VCL: variants seen among roughly 807,000 people sequenced by gnomAD.
VCL encodes the protein epididymis luminal protein 114.
A neutral mutation model predicts 125.7 loss-of-function variants in VCL; 47 were observed. The ratio of observed to expected loss-of-function variants is 0.37; its 90% CI spans 0.30 to 0.48. The LOEUF (loss-of-function observed/expected upper bound fraction) is 0.48. VCL is among the 20% of genes least tolerant of loss of function. The pLI is 0.99. For missense variants in VCL, 1,069 were observed against 1,455.5 expected (o/e 0.73, Z 4.32); for synonymous variants, 458 against 514.6 (o/e 0.89, Z 1.49).
rs1421034616 is a variant in VCL, at chr10:74,071,021, C to T, written c.437C>T (p.Thr146Ile). Residue 146 changes from threonine (T) to isoleucine (I), a missense_variant, in exon 4 of 22, where the codon ACA (threonine) becomes ATA (isoleucine). Coordinates refer to ENST00000211998, the MANE Select transcript of VCL (RefSeq NM_014000.3). The surrounding 1 kb of genome is among the most constrained non-coding windows in gnomAD (Gnocchi z 4.1). Reference protein sequence around the residue: ...RVCKGILEYLTVAEVVETMED... With the variant: ...RVCKGILEYLIVAEVVETMED... ...TGCAAAGGAATTTTGGAATATCTTACAGTGGCAGAGGTGGTGGAGACTATG... is the reference window on the plus strand; with the variant it reads ...TGCAAAGGAATTTTGGAATATCTTATAGTGGCAGAGGTGGTGGAGACTATG... 4.3e-6 allele frequency: 7 copies of T among 1,614,050 alleles called. No individual in the cohort carries two copies. In the South Asian group the frequency reaches 4.4e-5, roughly 10 times the overall value.
intron 1 of VCL, among the ~76,000 whole-genome samples, chr10:74,018,195 TATATATAAATAC>T (rs1366296548): frequency 1.6e-4 from 23 of 140,552 alleles, no homozygotes; most frequent in Non-Finnish European, 1.6e-4. Flanking sequence ...TATATATATA[TATATATAAATAC>T]ATATATATAT....
chr10:74,091,393 A>G (rs1839881234), intron 10 of VCL, among the ~76,000 whole-genome samples: 3 of 152,218 alleles, frequency 2.0e-5, no homozygotes, highest in Admixed American at 2.0e-4. Context: ...TCTTGCCAGG[A>G]GTAGCCACGA....
In VCL at chr10:74,105,250, C is replaced by T; in HGVS notation, c.2331C>T (p.Pro777=). The T allele has an allele frequency of 1.2e-6, 2 of 1,614,088 alleles. No individual in the cohort carries two copies. Among genetic ancestry groups the T allele is most frequent in the East Asian group, 2.2e-5 (1 of 44,882 alleles). ...AKREVENSED[P]KFREAVKAAS... is the part of the protein sequence containing the mutation. ...GGGAGGTGGAGAATTCCGAGGATCCCAAGTTCCGTGAGGCTGTGAAAGCTG... is the reference window on the plus strand; with the variant it reads ...GGGAGGTGGAGAATTCCGAGGATCCTAAGTTCCGTGAGGCTGTGAAAGCTG... Residue 777 remains proline, a synonymous_variant, in exon 16 of 22, where the codon CCC becomes CCT. Transcript: ENST00000211998.
chr10:74,003,110 T>C (rs1683132921), intron 1 of VCL, among the ~76,000 whole-genome samples: 1 of 151,930 alleles, frequency 6.6e-6, no homozygotes, highest in Non-Finnish European at 1.5e-5. Flanking sequence ...TCTCACTGTG[T>C]AGTCCAAGCT....
chr10:74,093,657 G>A (rs187521166), intron 10 of VCL, among the ~76,000 whole-genome samples: 2 of 151,944 alleles, frequency 1.3e-5, no homozygotes, highest in African/African-American at 4.8e-5. Flanking sequence ...TAATTAGCCA[G>A]GTGTGGTGGT....
intron 2 of VCL, chr10:74,063,708 A>C (rs1314608228): frequency 6.6e-6 from 1 of 152,196 alleles, no homozygotes; most frequent in Admixed American, 6.5e-5. Flanking sequence ...GGAAATCCTA[A>C]AGAATGTACT....
At chr10:74,114,144 G>C in intron 19 of VCL, 40 bp from the exon 20 acceptor site, 1 of 1,609,528 alleles carries the variant, frequency 6.2e-7, no homozygotes. Flanking sequence ...CATGGCCAGA[G>C]CGTGGGCAGA....
intron 1 of VCL, among the ~76,000 whole-genome samples, chr10:74,040,721 C>A (rs955450135): frequency 1.1e-4 from 17 of 152,144 alleles, no homozygotes; most frequent in African/African-American, 4.1e-4. Flanking sequence ...AAAGCATTGG[C>A]TATTACACAG....
chr10:74,095,012 T>C (rs1839943974), intron 11 of VCL, among the ~76,000 whole-genome samples: 1 of 152,222 alleles, frequency 6.6e-6, no homozygotes, highest in African/African-American at 2.4e-5. Flanking sequence ...ATTGGGCACA[T>C]ATATAATTTA....
chr10:74,046,884 AG>A (rs1564517060), intron 2 of VCL, among the ~76,000 whole-genome samples: 1 of 152,252 alleles, frequency 6.6e-6, no homozygotes, highest in South Asian at 2.1e-4. Flanking sequence ...TTGGGGACTT[AG>A]AAAAATTAAA....
chr10:74,098,065 G>T (rs549569632), intron 13 of VCL, among the ~76,000 whole-genome samples: 40 of 152,220 alleles, frequency 2.6e-4, no homozygotes, highest in Non-Finnish European at 5.0e-4. Flanking sequence ...CACACCACTG[G>T]ATCTGGTCCC....
At chr10:74,114,945 G>T (rs780359329) in intron 21 of VCL, 46 bp downstream of exon 21, 3 of 1,520,912 alleles carry the variant, frequency 2.0e-6, no homozygotes, top group Non-Finnish European at 2.7e-6. Flanking sequence ...CTTCTGTGCC[G>T]TTTTGCAGTA....
chr10:74,033,146 T>C (rs1840913489), intron 1 of VCL, among the ~76,000 whole-genome samples: 1 of 152,172 alleles, frequency 6.6e-6, no homozygotes, highest in African/African-American at 2.4e-5. Context: ...CATCAACTGA[T>C]GAATGGACAA....
chr10:74,087,513 ATTTTTTT>A (rs1167937127), intron 8 of VCL, among the ~76,000 whole-genome samples: 2,569 of 123,028 alleles, frequency 0.021, 87 homozygotes, highest in African/African-American at 0.074. Flanking sequence ...CGCCTGGCTA[ATTTTTTT>A]TTTTTTTTTT....
chr10:74,006,432 TTGGGTCCTCCTGTTACAGTCC>T (rs1435431053), intron 1 of VCL, among the ~76,000 whole-genome samples: 1 of 152,208 alleles, frequency 6.6e-6, no homozygotes, highest in Non-Finnish European at 1.5e-5. Context: ...GTAGCTTAGA[TTGGGTCCTCCTGTTACAGTCC>T]TGGAGTAAGG....
chr10:74,094,165 A>G (rs867094011), intron 10 of VCL, 106 bp from the exon 11 acceptor site: 1 of 1,377,808 alleles, frequency 7.3e-7, no homozygotes, highest in Middle Eastern at 2.6e-4. Context: ...AATTAATAGT[A>G]ATCAGGAGCA....
chr10:74,058,288 G>A (rs1841421348), intron 2 of VCL, among the ~76,000 whole-genome samples: 1 of 152,132 alleles, frequency 6.6e-6, no homozygotes, highest in Admixed American at 6.5e-5. Context: ...CATCTCCCAA[G>A]TGTCGTCGTA....
chr10:74,048,655 T>C (rs951554559), intron 2 of VCL, among the ~76,000 whole-genome samples: 1 of 152,200 alleles, frequency 6.6e-6, no homozygotes, highest in Admixed American at 6.5e-5. Flanking sequence ...GACATGCTCC[T>C]TGGTTAATTA....
At chr10:74,030,407 T>C (rs1246820962) in intron 1 of VCL, among the ~76,000 whole-genome samples, 1 of 152,220 alleles carries the variant, frequency 6.6e-6, no homozygotes, top group East Asian at 1.9e-4. Context: ...CACTGGCATT[T>C]TTTGTCACTC....
Sources: allele counts gnomAD v4.1 joint callset (sites outside exome capture counted in the v4.1 genomes callset), GRCh38; gene constraint gnomAD v4.1.1; non-coding constraint Gnocchi (gnomAD v3.1); transcripts MANE v1.5; gene names NCBI Gene and HGNC (gene_info 2026-07-23, HGNC 2026-07-21).